The following IGF1R variants were observed in gnomAD, a reference collection of about 807,000 sequenced individuals.
IGF1R encodes the protein insulin-like growth factor 1 receptor.
IGF1R carries 44 observed loss-of-function variants against 144.6 expected under a neutral mutation model. The observed-to-expected ratio is 0.30, with a 90% confidence interval of 0.24 to 0.39. The LOEUF (loss-of-function observed/expected upper bound fraction) is 0.39. IGF1R is among the 10% of genes least tolerant of loss of function. The probability of loss-of-function intolerance (pLI) is 1.00; values close to 1 mark genes in which losing one functional copy is unlikely to be tolerated. For synonymous variants in IGF1R, 795 were observed against 722.8 expected (o/e 1.10, Z -1.60); for missense variants, 1,355 against 1,833.7 (o/e 0.74, Z 4.77).
chr15:98,910,670 G>A (rs965777639), intron 6 of IGF1R, among the ~76,000 whole-genome samples: 5 of 152,228 alleles, frequency 3.3e-5, no homozygotes, highest in African/African-American at 1.2e-4. Flanking sequence ...CCGCCAGCCA[G>A]GCTACTTCCC....
At chr15:98,699,756 T>G (rs911217668) in intron 1 of IGF1R, among the ~76,000 whole-genome samples, 4 of 152,208 alleles carry the variant, frequency 2.6e-5, no homozygotes, top group Non-Finnish European at 4.4e-5. Flanking sequence ...GTTCTGAGCC[T>G]TCAGGACTGC....
chr15:98,747,187 C>CGTT (rs915181938), intron 2 of IGF1R, among the ~76,000 whole-genome samples: 27 of 102,108 alleles, frequency 2.6e-4, no homozygotes, highest in Admixed American at 1.2e-3. Flanking sequence ...TTCAATTTGT[C>CGTT]GTTGTTGTTG....
chr15:98,690,340 C>T (rs1187612716), intron 1 of IGF1R, among the ~76,000 whole-genome samples: 1 of 152,094 alleles, frequency 6.6e-6, no homozygotes, highest in African/African-American at 2.4e-5. Context: ...AAGACTATCC[C>T]AAAACAAAAA....
intron 2 of IGF1R, among the ~76,000 whole-genome samples, chr15:98,849,256 A>C (rs961405875): frequency 6.6e-6 from 1 of 152,236 alleles, no homozygotes; most frequent in African/African-American, 2.4e-5. Context: ...AAATTTAGTT[A>C]TTCGATAAAG....
intron 13 of IGF1R, among the ~76,000 whole-genome samples, chr15:98,929,216 G>C (rs1362696748): frequency 6.6e-6 from 1 of 151,978 alleles, no homozygotes; most frequent in African/African-American, 2.4e-5. Context: ...TGTGGAATGT[G>C]GGAAATTAGT....
rs192279642 is a variant in IGF1R at position 98,800,587 on chromosome 15, C to T, written c.641-90738C>T. 4.6e-5 allele frequency among the ~76,000 whole-genome samples: 7 copies of T among 152,288 alleles called. No individual in the cohort carries two copies. The East Asian group carries it at 1.2e-3, about 25-fold the overall frequency. ...CCTTTAATAACACGCTGGGTGTTAG[C>T]GTTAGAACCGCCACTGAACAGCTCT... is the stretch of plus-strand genomic sequence containing the variant. On this transcript the variant is annotated intron_variant, in intron 2 of 20. Transcript: ENST00000650285.
chr15:98,881,740 T>C (rs2013393264), intron 2 of IGF1R, among the ~76,000 whole-genome samples: 1 of 152,150 alleles, frequency 6.6e-6, no homozygotes, highest in Non-Finnish European at 1.5e-5. Context: ...AGGTTTGCAG[T>C]GTAACAGCTG....
chr15:98,939,810 G>A (rs915749896), intron 18 of IGF1R, among the ~76,000 whole-genome samples: 4 of 152,230 alleles, frequency 2.6e-5, no homozygotes, highest in Non-Finnish European at 2.9e-5. Context: ...CCCTAATGAC[G>A]AAGCCTCTGC....
At chr15:98,948,909 T>C (rs1207826999) in intron 20 of IGF1R, among the ~76,000 whole-genome samples, 13 of 152,242 alleles carry the variant, frequency 8.5e-5, no homozygotes, top group Admixed American at 8.5e-4. Context: ...ACCTTAATTC[T>C]ACCCCATATT....
chr15:98,720,660 G>T (rs2054226239), intron 2 of IGF1R, among the ~76,000 whole-genome samples: 1 of 152,178 alleles, frequency 6.6e-6, no homozygotes, highest in African/African-American at 2.4e-5. Flanking sequence ...GAAATAAAGT[G>T]GTTAGGGAAG....
chr15:98,889,975 A>C (rs781273250), intron 2 of IGF1R, among the ~76,000 whole-genome samples: 2 of 152,256 alleles, frequency 1.3e-5, no homozygotes, highest in Non-Finnish European at 2.9e-5. Context: ...AGTAAGGCTG[A>C]CAGCCCACAG....
chr15:98,698,869 A>G (rs1054997221), intron 1 of IGF1R, among the ~76,000 whole-genome samples: 1 of 152,250 alleles, frequency 6.6e-6, no homozygotes, highest in Non-Finnish European at 1.5e-5. Flanking sequence ...CACTGTTATC[A>G]GCTAGACTTA....
chr15:98,735,817 G>A (rs1567810), intron 2 of IGF1R, among the ~76,000 whole-genome samples: 143,259 of 152,332 alleles, frequency 0.94, 67,565 homozygotes, highest in Non-Finnish European at 0.98. Flanking sequence ...TTTTATCTTC[G>A]TGGGATACTT....
At chr15:98,662,741 A>G (rs2052630623) in intron 1 of IGF1R, among the ~76,000 whole-genome samples, 1 of 152,072 alleles carries the variant, frequency 6.6e-6, no homozygotes, top group East Asian at 1.9e-4. Context: ...AGCTTTAAGG[A>G]GGATGTCTGA....
intron 3 of IGF1R, among the ~76,000 whole-genome samples, chr15:98,896,445 T>C (rs2014202143): frequency 6.6e-6 from 1 of 152,200 alleles, no homozygotes; most frequent in African/African-American, 2.4e-5. Flanking sequence ...CTCTCCCACA[T>C]GGAACCAGCT....
intron 5 of IGF1R, among the ~76,000 whole-genome samples, chr15:98,905,684 A>C (rs2014699405): frequency 6.6e-6 from 1 of 151,706 alleles, no homozygotes; most frequent in Admixed American, 6.6e-5. Context: ...AAAAAAAAAA[A>C]CCTAATTTTT....
Position 98,960,791 on chromosome 15 carries a change from C to A in IGF1R, c.*3349C>A, listed in dbSNP as rs1383848745. On this transcript the variant is annotated 3_prime_UTR_variant, in exon 21 of 21. Transcript: ENST00000650285. ...CACGCAGGAGCAGAGTCCCCTCCCC[C>A]TCCAGGCTGCCCTCTCAACTTCTCC... The A allele has an allele frequency of 4.3e-6, 1 of 233,942 alleles. No individual in the cohort carries two copies. The allele number at this position is 233,942 out of a possible 1,614,324, so 14.5% of individuals were successfully genotyped here.
intron 2 of IGF1R, among the ~76,000 whole-genome samples, chr15:98,749,631 A>G (rs1318589975): frequency 6.6e-6 from 1 of 152,206 alleles, no homozygotes; most frequent in African/African-American, 2.4e-5. Flanking sequence ...TGTAATAGCA[A>G]TCGTCTACCA....
intron 2 of IGF1R, among the ~76,000 whole-genome samples, chr15:98,776,665 C>T (rs558351339): frequency 6.6e-6 from 1 of 152,306 alleles, no homozygotes; most frequent in South Asian, 2.1e-4. Context: ...CATTACCAGA[C>T]ATTGGTGCTG....
Sources: allele counts gnomAD v4.1 joint callset (sites outside exome capture counted in the v4.1 genomes callset), GRCh38; gene constraint gnomAD v4.1.1; transcripts MANE v1.5; gene names NCBI Gene and HGNC (gene_info 2026-07-23, HGNC 2026-07-21).